The following PRRC2B variants were observed in gnomAD, a reference collection of about 807,000 sequenced individuals.
PRRC2B encodes the protein proline rich coiled-coil 2B.
Under a neutral mutation model 242.3 loss-of-function variants are expected in PRRC2B, and 68 were observed. The observed-to-expected ratio is 0.28, with a 90% CI of 0.23 to 0.34. The LOEUF (loss-of-function observed/expected upper bound fraction) is 0.34. Among genes scored for constraint, PRRC2B ranks in the 10% least tolerant of loss-of-function variants. PRRC2B has a pLI of 1.00. For missense variants in PRRC2B, 2,835 were observed against 2,954.8 expected, an observed-to-expected ratio of 0.96 and a Z score of 0.94; for synonymous variants, 1,228 against 1,173.6, an observed-to-expected ratio of 1.05 and a Z score of -0.95.
chr9:131,440,538 T>C (rs183151264), intron 5 of PRRC2B, among the ~76,000 whole-genome samples: 38 of 152,326 alleles, frequency 2.5e-4, no homozygotes, highest in African/African-American at 8.4e-4. Context: ...TAATAACACA[T>C]AATACCCTTT....
chr9:131,459,092 G>T, intron 10 of PRRC2B, 72 bp from the exon 11 acceptor site: 1 of 1,365,364 alleles, frequency 7.3e-7, no homozygotes. Flanking sequence ...AATTCTCAAG[G>T]CCTCTGACCA....
intron 28 of PRRC2B, chr9:131,490,622 T>C (rs1446805994): frequency 7.7e-6 from 4 of 518,390 alleles, no homozygotes; most frequent in South Asian, 1.4e-5. Flanking sequence ...GTCCTTACAG[T>C]CTCTGGGCCC....
intron 16 of PRRC2B, 118 bp downstream of exon 16, chr9:131,476,653 C>T (rs1435851429): frequency 5.0e-6 from 4 of 805,520 alleles, no homozygotes; most frequent in Non-Finnish European, 7.6e-6. Flanking sequence ...GCCCCCAGGC[C>T]GTCTGTGCGC....
At chr9:131,430,550 GGTGTGTGTGTATGT>G (rs1331369960) in intron 2 of PRRC2B, among the ~76,000 whole-genome samples, 16 of 82,664 alleles carry the variant, frequency 1.9e-4, no homozygotes, top group African/African-American at 6.3e-4. Context: ...GATATCTATA[GGTGTGTGTGTATGT>G]GTGTGTGTGT....
At chr9:131,386,154 C>T (rs914393208) in intron 1 of PRRC2B, among the ~76,000 whole-genome samples, 1 of 149,026 alleles carries the variant, frequency 6.7e-6, no homozygotes, top group African/African-American at 2.5e-5. Flanking sequence ...GCTCTGTTGC[C>T]CAGGCTGGAG....
At position 131,482,294 on chromosome 9, in the gene PRRC2B, T is replaced by C. The variant is rs1161962208; in HGVS notation, c.4984-77T>C. On this transcript the variant is annotated intron_variant, in intron 20 of 31. Transcript: ENST00000683519. The surrounding 1 kb of genome is among the most constrained non-coding windows in gnomAD (Gnocchi z 5.2). ...CAGGCAGCTGGGGTAGAAAAGTCTC[T>C]GTGCCACATGCAGTTTTACTCTCTG... 3 of 1,454,856 alleles carry C rather than the reference T, an allele frequency of 2.1e-6. No homozygotes were observed. The African/African-American group carries it at 4.3e-5, about 21-fold the overall frequency. 90.1% of individuals were successfully genotyped at this position (1,454,856 alleles called of 1,614,324 possible).
intron 1 of PRRC2B, among the ~76,000 whole-genome samples, chr9:131,416,114 C>T (rs1055199931): frequency 4.8e-5 from 7 of 145,256 alleles, no homozygotes; most frequent in African/African-American, 1.8e-4. Context: ...TCTTTTCTTT[C>T]TTTTTTTTTT....
intron 24 of PRRC2B, 67 bp downstream of exon 24, chr9:131,484,857 G>A: frequency 6.4e-7 from 1 of 1,562,524 alleles, no homozygotes; most frequent in East Asian, 2.3e-5. Context: ...GCAGAAGGGA[G>A]GAGTCCCCGA....
At chr9:131,467,964 T>G (rs1262824773) in intron 13 of PRRC2B, among the ~76,000 whole-genome samples, 3 of 152,264 alleles carry the variant, frequency 2.0e-5, no homozygotes, top group Admixed American at 1.3e-4. Flanking sequence ...TTTCTCTGAG[T>G]GGTGGAGGTC....
At chr9:131,476,585 A>G in intron 16 of PRRC2B, 50 bp downstream of exon 16, 1 of 1,504,946 alleles carries the variant, frequency 6.6e-7, no homozygotes, top group Non-Finnish European at 8.9e-7. Context: ...TTCTGTTCTC[A>G]GCAGCACTGA....
intron 14 of PRRC2B, among the ~76,000 whole-genome samples, chr9:131,471,269 T>C (rs955293215): frequency 2.6e-5 from 4 of 152,252 alleles, no homozygotes; most frequent in African/African-American, 7.2e-5. Flanking sequence ...CTTAATGTTC[T>C]TTGTGCTGTC....
chr9:131,494,550 G>A lies in PRRC2B; in HGVS notation c.6555+64G>A. On this transcript the variant is annotated intron_variant, in intron 31 of 31. Coordinates refer to ENST00000683519, the MANE Select transcript of PRRC2B (RefSeq NM_013318.4). The surrounding 1 kb of genome is among the most constrained non-coding windows in gnomAD (Gnocchi z 4.3). ...TTAGGCCCGTCTCCAAGCGCCAAAA[G>A]AGAAGGGACTGTCCAACCTATCTGA... The A allele has an allele frequency of 1.1e-6, 1 of 896,382 alleles. No homozygotes were observed. Among genetic ancestry groups the A allele is most frequent in the East Asian group, 2.7e-5 (1 of 37,014 alleles). 55.5% of individuals were successfully genotyped at this position (896,382 alleles called of 1,614,324 possible). A position where few individuals can be genotyped will look rare whatever the true frequency, so the allele number is the denominator to read the frequency against.
chr9:131,412,785 TTC>T (rs199987337), intron 1 of PRRC2B, among the ~76,000 whole-genome samples: 18 of 123,380 alleles, frequency 1.5e-4, no homozygotes, highest in South Asian at 3.4e-4. Context: ...AATCAAAGCA[TTC>T]TCTCTCTCTC....
chr9:131,468,793 T>G (rs1335633776), intron 13 of PRRC2B, among the ~76,000 whole-genome samples: 4 of 152,320 alleles, frequency 2.6e-5, no homozygotes, highest in African/African-American at 9.6e-5. Context: ...AGTATCTCAC[T>G]TAATTACCTT....
chr9:131,462,809 G>C (rs112802565), intron 11 of PRRC2B, among the ~76,000 whole-genome samples: 3 of 144,740 alleles, frequency 2.1e-5, no homozygotes, highest in Non-Finnish European at 4.5e-5. Context: ...CTGCACTCCA[G>C]CCTGGGTGAC....
intron 22 of PRRC2B, 126 bp downstream of exon 22, chr9:131,483,033 A>T: frequency 8.8e-7 from 1 of 1,132,902 alleles, no homozygotes. Context: ...GCAGTCTTCC[A>T]GCGGCTAGAG....
At chr9:131,398,847 G>A (rs1413176) in intron 1 of PRRC2B, among the ~76,000 whole-genome samples, 3,843 of 152,192 alleles carry the variant, frequency 0.025, 123 homozygotes, top group African/African-American at 0.071. Flanking sequence ...GTATAGTGGC[G>A]CATGCCTGTA....
rs373710926 is a variant in PRRC2B at position 131,477,894 on chromosome 9, T to C, written c.4557T>C (p.Ala1519=). ...KKAEKEAKLA[A]PRAGEQGEAM... ...CAGAGAAGGAGGCCAAGTTGGCTGC[T>C]CCGAGGGCAGGTGAACAGGGAGAGG... The change falls in exon 17 of 32, where the codon GCT becomes GCC. Residue 1519 remains alanine, a synonymous_variant. Transcript: ENST00000683519. The C allele has an allele frequency of 9.3e-6, 15 of 1,613,858 alleles. No individual in the cohort carries two copies. The African/African-American group carries it at 1.7e-4, about 19-fold the overall frequency.
intron 1 of PRRC2B, among the ~76,000 whole-genome samples, chr9:131,396,764 T>C (rs1337578595): frequency 2.6e-5 from 4 of 152,266 alleles, no homozygotes; most frequent in Admixed American, 6.5e-5. Context: ...AATGGCTTAG[T>C]ACAGCTAGGG....
Sources: allele counts gnomAD v4.1 joint callset (sites outside exome capture counted in the v4.1 genomes callset), GRCh38; gene constraint gnomAD v4.1.1; non-coding constraint Gnocchi (gnomAD v3.1); transcripts MANE v1.5; gene names NCBI Gene and HGNC (gene_info 2026-07-23, HGNC 2026-07-21).